Variants in KALRN observed in about 807,000 individuals in gnomAD.
KALRN encodes the protein kalirin.
In KALRN, 70 loss-of-function variants were observed where a neutral mutation model predicts 353.7. The ratio of observed to expected loss-of-function variants is 0.20; its 90% CI spans 0.16 to 0.24. KALRN has a LOEUF of 0.24. Among genes scored for constraint, KALRN ranks in the 10% least tolerant of loss-of-function variants. KALRN has a pLI of 1.00. For missense variants in KALRN, 2,791 were observed against 3,756.7 expected (o/e 0.74, Z 6.72); for synonymous variants, 1,391 against 1,434.8 (o/e 0.97, Z 0.69).
intron 3 of KALRN, among the ~76,000 whole-genome samples, chr3:124,245,363 C>G (rs1429875190): frequency 6.6e-6 from 1 of 152,072 alleles, no homozygotes; most frequent in African/African-American, 2.4e-5. Context: ...GTATTTATAT[C>G]ACATTTTCTT....
At chr3:124,136,018 A>C (rs1348016506) in intron 1 of KALRN, among the ~76,000 whole-genome samples, 1 of 152,132 alleles carries the variant, frequency 6.6e-6, no homozygotes, top group Non-Finnish European at 1.5e-5. Context: ...ATCCCTTCTC[A>C]CTTGCCTGCA....
intron 9 of KALRN, 42 bp from the exon 10 acceptor site, chr3:124,347,101 T>G: frequency 6.2e-7 from 1 of 1,612,924 alleles, no homozygotes; most frequent in Non-Finnish European, 8.5e-7. Context: ...TGTCTTTCCT[T>G]CTGCTAGAAA....
chr3:124,309,176 C>G (rs1481479692), intron 6 of KALRN, among the ~76,000 whole-genome samples: 1 of 151,608 alleles, frequency 6.6e-6, no homozygotes, highest in Non-Finnish European at 1.5e-5. Context: ...AAAGAAAAGC[C>G]CAGGCCCAGA....
intron 56 of KALRN, among the ~76,000 whole-genome samples, 183 bp downstream of exon 56, chr3:124,700,216 C>T (rs1449852834): frequency 6.6e-6 from 1 of 152,166 alleles, no homozygotes; most frequent in Non-Finnish European, 1.5e-5. Context: ...AGGTCTGCAC[C>T]CATGCCTACC....
chr3:124,388,064 A>T (rs181995533), intron 11 of KALRN, among the ~76,000 whole-genome samples: 3 of 152,134 alleles, frequency 2.0e-5, no homozygotes, highest in Non-Finnish European at 2.9e-5. Flanking sequence ...GTACACACAC[A>T]TGCAAATGTT....
In KALRN at chr3:124,268,744, C is replaced by T. The variant is rs565525175; in HGVS notation, c.458C>T (p.Thr153Met). ...NFGSSKFIFE[T>M]SMVSVEGLTK... ...CTTGTCTGTGTCTGCCCCTTCCAGA[C>T]GAGCATGGTATCTGTGGAGGGCCTC... Residue 153 changes from threonine to methionine, a missense_variant and splice_region_variant, in exon 5 of 60, where the codon ACG (threonine) becomes ATG (methionine). By Grantham distance (81) the Thr-to-Met change is moderately conservative. Transcript: ENST00000682506. 2.5e-6 allele frequency: 4 copies of T among 1,613,704 alleles called. No homozygotes were observed. Among genetic ancestry groups the T allele is most frequent in the Non-Finnish European group, 3.4e-6 (4 of 1,179,794 alleles).
chr3:124,398,025 GCTGAGGCT>G (rs1560801435), intron 12 of KALRN, among the ~76,000 whole-genome samples: 1 of 152,222 alleles, frequency 6.6e-6, no homozygotes, highest in Non-Finnish European at 1.5e-5. Context: ...AGATAAGGCA[GCTGAGGCT>G]CAGAGAGGTG....
chr3:124,092,725 C>T (rs961507743), intron 1 of KALRN, among the ~76,000 whole-genome samples: 8 of 152,236 alleles, frequency 5.3e-5, no homozygotes, highest in African/African-American at 1.9e-4. Context: ...GTTATCTGAC[C>T]TTAAACAAGT....
Position 124,720,534 on chromosome 3 carries a change from T to A in KALRN, c.*1064T>A, listed in dbSNP as rs2063333763. On this transcript the variant is annotated 3_prime_UTR_variant, in exon 60 of 60. Coordinates refer to ENST00000682506, the MANE Select transcript of KALRN (RefSeq NM_001388419.1). Reference sequence around the variant, plus strand: ...CTCCTTATTGAAGCTAAGGGGTGCTTACTAAAAGGAGGCAGCCATATAGGC... The same window carrying A: ...CTCCTTATTGAAGCTAAGGGGTGCTAACTAAAAGGAGGCAGCCATATAGGC... The A allele has an allele frequency of 2.0e-5, 3 of 152,756 alleles. No homozygotes were observed. In the South Asian group the frequency reaches 6.2e-4, roughly 32 times the overall value. The allele number at this position is 152,756 out of a possible 1,614,324, so 9.5% of individuals were successfully genotyped here. A position where few individuals can be genotyped will look rare whatever the true frequency, so the allele number is the denominator to read the frequency against.
rs538136164 is a variant in KALRN, at chr3:124,487,078, C to A, written c.4285-1126C>A. On this transcript the variant is annotated intron_variant, in intron 28 of 59. Transcript: ENST00000682506. The stretch of plus-strand genomic sequence containing the variant: ...AACTTCTTTATTTCTGGGAAAGGCA[C>A]CTCCACTCAACATGCATCCCCTGCC... Among the ~76,000 whole-genome samples, 12 of 152,306 alleles carry A rather than the reference C, an allele frequency of 7.9e-5. No individual in the cohort carries two copies. In the East Asian group the frequency reaches 2.1e-3, roughly 27 times the overall value.
chr3:124,618,892 TC>T (rs1392443279), intron 34 of KALRN, among the ~76,000 whole-genome samples: 1 of 152,200 alleles, frequency 6.6e-6, no homozygotes, highest in Non-Finnish European at 1.5e-5. Context: ...CAATCTCAGT[TC>T]CTACTTATCC....
chr3:124,173,113 T>C (rs1269430476), intron 1 of KALRN, among the ~76,000 whole-genome samples: 1 of 151,822 alleles, frequency 6.6e-6, no homozygotes, highest in Non-Finnish European at 1.5e-5. Flanking sequence ...GGGGTGGGGA[T>C]GGTGGGAAGA....
chr3:124,642,404 A>C (rs1465873232), intron 37 of KALRN, among the ~76,000 whole-genome samples: 1 of 152,142 alleles, frequency 6.6e-6, no homozygotes, highest in Non-Finnish European at 1.5e-5. Context: ...GGATGGCCCT[A>C]GTGGACCCTG....
At chr3:124,398,307 G>T (rs1180806110) in intron 12 of KALRN, among the ~76,000 whole-genome samples, 1 of 152,132 alleles carries the variant, frequency 6.6e-6, no homozygotes, top group African/African-American at 2.4e-5. Flanking sequence ...TACGTATTGT[G>T]ATAGATTTAT....
intron 40 of KALRN, 91 bp from the exon 41 acceptor site, chr3:124,657,643 G>T: frequency 7.3e-7 from 1 of 1,364,098 alleles, no homozygotes; most frequent in East Asian, 2.3e-5. Context: ...TAGGGCTTAG[G>T]GGAGAGTCTT....
At chr3:124,552,732 T>A (rs1469009404) in intron 33 of KALRN, among the ~76,000 whole-genome samples, 9 of 152,176 alleles carry the variant, frequency 5.9e-5, no homozygotes, top group Admixed American at 5.9e-4. Flanking sequence ...TCTCAAGATA[T>A]GTCATTAAGG....
intron 13 of KALRN, among the ~76,000 whole-genome samples, chr3:124,402,946 G>A (rs532546205): frequency 1.0e-3 from 152 of 152,130 alleles, no homozygotes; most frequent in Non-Finnish European, 1.9e-3. Context: ...TCTTCAAACT[G>A]CAGTTTCTTT....
rs375140500 is a variant in KALRN at position 124,667,232 on chromosome 3, G to A, written c.6703+49G>A. On this transcript the variant is annotated intron_variant, in intron 47 of 59. Transcript: ENST00000682506. ...GCAGGGCTGTGTCAGGGGACTCCAC[G>A]ACCTCTGAGCTTCCTTGGGTCTAGG... 6.5e-6 allele frequency: 10 copies of A among 1,539,640 alleles called. No individual in the cohort carries two copies. The African/African-American group carries it at 8.2e-5, about 13-fold the overall frequency.
At chr3:124,241,155 T>TC (rs199653313) in intron 3 of KALRN, among the ~76,000 whole-genome samples, 1 of 152,236 alleles carries the variant, frequency 6.6e-6, no homozygotes, top group East Asian at 1.9e-4. Context: ...CTCTCCTACT[T>TC]CCCCCAAAAA....
Sources: gnomAD v4.1 joint callset for allele counts (sites outside exome capture counted in the v4.1 genomes callset) on GRCh38, gnomAD v4.1.1 for gene constraint, MANE v1.5 for transcripts, NCBI Gene and HGNC (gene_info 2026-07-23, HGNC 2026-07-21) for gene names.